The following ADGRG3 variants were observed in gnomAD, a reference collection of about 807,000 sequenced individuals.
The protein encoded by ADGRG3 is G protein-coupled receptor 97.
A neutral mutation model predicts 54.3 loss-of-function variants in ADGRG3; 39 were observed. The observed-to-expected ratio is 0.72, with a 90% CI of 0.56 to 0.94. The LOEUF (loss-of-function observed/expected upper bound fraction) is 0.94. Among genes scored for constraint, ADGRG3 ranks in the 40% least tolerant of loss-of-function variants. The pLI is 0.00. For missense variants in ADGRG3, 654 were observed against 694.6 expected (o/e 0.94, Z 0.66); for synonymous variants, 312 against 290.0 (o/e 1.08, Z -0.77).
intron 8 of ADGRG3, among the ~76,000 whole-genome samples, chr16:57,681,966 C>T (rs951143086): frequency 6.6e-6 from 1 of 152,206 alleles, no homozygotes. Context: ...TCTTACTGGT[C>T]TAACTTGGAC....
chr16:57,671,447 TCTC>T (rs2048158210), intron 1 of ADGRG3, among the ~76,000 whole-genome samples: 1 of 150,116 alleles, frequency 6.7e-6, no homozygotes, highest in Admixed American at 6.7e-5. Context: ...TTGAAGCAAT[TCTC>T]CTGCCTCAGC....
chr16:57,687,606 C>T (rs1174741979), intron 11 of ADGRG3, among the ~76,000 whole-genome samples: 1 of 152,166 alleles, frequency 6.6e-6, no homozygotes, highest in Admixed American at 6.5e-5. Context: ...ACTAGGTCTT[C>T]AATATGTGGG....
chr16:57,683,536 T>G (rs2048414286), intron 8 of ADGRG3, among the ~76,000 whole-genome samples: 2 of 152,232 alleles, frequency 1.3e-5, no homozygotes, highest in African/African-American at 4.8e-5. Context: ...GAACCTCTGC[T>G]TTTCATCTCA....
At chr16:57,669,588 G>A (rs2048116715) in intron 1 of ADGRG3, among the ~76,000 whole-genome samples, 1 of 152,216 alleles carries the variant, frequency 6.6e-6, no homozygotes, top group African/African-American at 2.4e-5. Context: ...TTGGGGCAGA[G>A]CAGCAGCCAT....
chr16:57,667,323 C>T (rs558459721), upstream of ADGRG3, among the ~76,000 whole-genome samples: 15 of 152,338 alleles, frequency 9.8e-5, no homozygotes, highest in Middle Eastern at 3.4e-3. Context: ...GGTGGGATGC[C>T]CTTCACCTTC....
chr16:57,688,725 T>C lies in ADGRG3; in HGVS notation c.*264T>C. 2.3e-6 allele frequency: 1 copy of C among 434,700 alleles called. No individual in the cohort carries two copies. The allele number at this position is 434,700 out of a possible 1,614,324, so 26.9% of individuals were successfully genotyped here. A position where few individuals can be genotyped will look rare whatever the true frequency, so the allele number is the denominator to read the frequency against. ...CTGCCAGCAAAGAGTGACAGTCACC[T>C]CCATGCCCTGCCCTCATTGCAAAGC... On this transcript the variant is annotated 3_prime_UTR_variant, in exon 12 of 12. Transcript: ENST00000333493.
chr16:57,688,299 C>A, intron 11 of ADGRG3, 53 bp from the exon 12 acceptor site: 2 of 1,156,844 alleles, frequency 1.7e-6, no homozygotes, highest in South Asian at 1.2e-5. Flanking sequence ...CCAGGCTGCC[C>A]CACTCTCTGC....
rs543067011 is a variant in ADGRG3 at position 57,678,799 on chromosome 16, GCCT to G, written c.493-374_493-372del. The G allele has an allele frequency of 2.1e-3, 700 of 330,230 alleles. 1 individual carries two copies. The highest frequency in any genetic ancestry group is 2.8e-3 in the Admixed American group (64 of 22,486). The allele number at this position is 330,230 out of a possible 1,614,324, so 20.5% of individuals were successfully genotyped here. On this transcript the variant is annotated intron_variant, in intron 4 of 11. Coordinates refer to ENST00000333493, the MANE Select transcript of ADGRG3 (RefSeq NM_170776.5). ...GAGGGCTAGTGTGCTCCCCCCACCA[GCCT>G]CCTTTCTACCGAATGCACACTCACG... is the stretch of plus-strand genomic sequence containing the variant.
At chr16:57,681,297 T>TC (rs2048362621) in intron 8 of ADGRG3, 2 of 154,012 alleles carry the variant, frequency 1.3e-5, no homozygotes, top group African/African-American at 4.8e-5. Context: ...CAGACTTTGC[T>TC]CAGTTTTCAC....
upstream of ADGRG3, among the ~76,000 whole-genome samples, chr16:57,667,688 G>A (rs7499326): frequency 0.099 from 15,057 of 152,190 alleles, 813 homozygotes; most frequent in South Asian, 0.15. Flanking sequence ...CTGTCTTCCC[G>A]CTACCCTGCC....
At chr16:57,670,658 CATAAATATCTTT>C (rs1231247956) in intron 1 of ADGRG3, among the ~76,000 whole-genome samples, 4 of 152,162 alleles carry the variant, frequency 2.6e-5, no homozygotes, top group African/African-American at 9.7e-5. Context: ...AACAATGCAT[CATAAATATCTTT>C]ATAAACTAAC....
intron 4 of ADGRG3, chr16:57,678,765 T>TAGATCTCGGTG: frequency 3.1e-6 from 1 of 319,932 alleles, no homozygotes; most frequent in Non-Finnish European, 6.0e-6. Flanking sequence ...TGCAGACGTG[T>TAGATCTCGGTG]GTACCCCTGA....
intron 2 of ADGRG3, 66 bp downstream of exon 2, chr16:57,673,534 A>G: frequency 6.8e-7 from 1 of 1,464,464 alleles, no homozygotes; most frequent in Non-Finnish European, 9.3e-7. Flanking sequence ...TCAGGAAGGG[A>G]TGGGGCCATC....
chr16:57,670,505 C>G (rs910521503), intron 1 of ADGRG3, among the ~76,000 whole-genome samples: 6 of 151,980 alleles, frequency 3.9e-5, no homozygotes, highest in African/African-American at 1.5e-4. Flanking sequence ...CCTCTTCCTT[C>G]CCCTCTCAAC....
At chr16:57,685,471 GACACCA>G (rs1192656980) in intron 10 of ADGRG3, among the ~76,000 whole-genome samples, 166 bp from the exon 11 acceptor site, 3 of 152,304 alleles carry the variant, frequency 2.0e-5, no homozygotes, top group Middle Eastern at 3.4e-3. Flanking sequence ...GCATTAAAGA[GACACCA>G]GACTGGAGCC....
At chr16:57,682,128 C>T (rs893171454) in intron 8 of ADGRG3, among the ~76,000 whole-genome samples, 14 of 152,210 alleles carry the variant, frequency 9.2e-5, no homozygotes, top group Non-Finnish European at 1.8e-4. Flanking sequence ...TTAGGGAAAC[C>T]TGGGGCTGTG....
chr16:57,678,776 G>A, intron 4 of ADGRG3: 1 of 325,358 alleles, frequency 3.1e-6, no homozygotes, highest in Non-Finnish European at 5.9e-6. Flanking sequence ...GTACCCCTGA[G>A]GGCTAGTGTG....
rs1365483357 is a variant in ADGRG3, at chr16:57,685,816, T to C, written c.1430T>C (p.Leu477Pro). 6.8e-6 allele frequency: 11 copies of C among 1,614,164 alleles called. No homozygotes were observed. The highest frequency in any genetic ancestry group is 9.3e-6 in the Non-Finnish European group (11 of 1,180,030). ...KERGKNRKKV[L>P]TLLGLSSLVG... is the part of the protein sequence containing the mutation. ...CGGGGGAAGAACCGGAAGAAGGTGCTCACCCTGCTGGGCCTCTCGAGCCTG... is the reference window on the plus strand; with the variant it reads ...CGGGGGAAGAACCGGAAGAAGGTGCCCACCCTGCTGGGCCTCTCGAGCCTG... The change falls in exon 11 of 12, where the codon CTC becomes CCC. Residue 477 changes from leucine (L) to proline (P), a missense_variant. Coordinates refer to ENST00000333493, the MANE Select transcript of ADGRG3 (RefSeq NM_170776.5).
chr16:57,684,962 C>T lies in ADGRG3; in HGVS notation c.1256+479C>T, dbSNP rs567605701. Among the ~76,000 whole-genome samples the T allele has an allele frequency of 2.6e-5, 4 of 152,254 alleles. No individual in the cohort carries two copies. In the East Asian group the frequency reaches 7.7e-4, roughly 29 times the overall value. ...CTGCCCTGCCTGCTATGTGTGTGAT[C>T]TTGGCAGGCCCGATCTCTCCCAGGG... On this transcript the variant is annotated intron_variant, in intron 10 of 11. Coordinates refer to ENST00000333493, the MANE Select transcript of ADGRG3 (RefSeq NM_170776.5).
Sources: allele counts gnomAD v4.1 joint callset (sites outside exome capture counted in the v4.1 genomes callset), GRCh38; gene constraint gnomAD v4.1.1; transcripts MANE v1.5; gene names NCBI Gene and HGNC (gene_info 2026-07-23, HGNC 2026-07-21).